The following DEGS2 variants were observed in gnomAD, a reference collection of about 807,000 sequenced individuals.
DEGS2 encodes sphingolipid delta(4)-desaturase/C4-monooxygenase DES2.
Under a neutral mutation model 23.8 loss-of-function variants are expected in DEGS2, and 19 were observed. The observed-to-expected ratio is 0.80, with a 90% confidence interval of 0.56 to 1.17. The LOEUF (loss-of-function observed/expected upper bound fraction) is 1.17. Ranked by LOEUF, DEGS2 falls within the 50% of genes most tolerant of loss-of-function variation. The pLI is 0.00. For missense variants in DEGS2, 390 were observed against 459.5 expected (o/e 0.85, Z 1.38); for synonymous variants, 218 against 213.7 (o/e 1.02, Z -0.18).
intron 1 of DEGS2, among the ~76,000 whole-genome samples, chr14:100,151,363 C>G (rs1054337464): frequency 6.6e-5 from 10 of 152,354 alleles, no homozygotes; most frequent in African/African-American, 2.4e-4. Flanking sequence ...GCTTGGGAGC[C>G]ACCAACTGGA....
chr14:100,158,018 C>T lies in DEGS2; in HGVS notation c.82+1488G>A, dbSNP rs371387030. On this transcript the variant is annotated intron_variant, in intron 1 of 2. Coordinates refer to ENST00000305631, the MANE Select transcript of DEGS2 (RefSeq NM_206918.3). ...AGGAGAATCGCTTGAACCTGGGAGG[C>T]GGAGGTTGCGGTGAGTGGAGATCGC... Among the ~76,000 whole-genome samples, 13 of 132,296 alleles carry T rather than the reference C, an allele frequency of 9.8e-5. No individual in the cohort carries two copies. The South Asian group carries it at 2.0e-3, about 20-fold the overall frequency. 86.8% of individuals were successfully genotyped at this position (132,296 alleles called of 152,430 possible).
At position 100,145,466 on chromosome 14, in the gene DEGS2, C is replaced by T. The variant is rs1889426519; in HGVS notation, c.*1295G>A. On this transcript the variant is annotated 3_prime_UTR_variant, in exon 3 of 3. Transcript: ENST00000305631. ...ATGGGAGGCCGGCGCTGTGCGGGGCCACTCCCAGGTATAGGGGGAGACCTG... is the reference window on the plus strand; with the variant it reads ...ATGGGAGGCCGGCGCTGTGCGGGGCTACTCCCAGGTATAGGGGGAGACCTG... 6.6e-6 allele frequency: 1 copy of T among 152,324 alleles called. No individual in the cohort carries two copies. Among genetic ancestry groups the T allele is most frequent in the Non-Finnish European group, 1.5e-5 (1 of 68,112 alleles). The allele number at this position is 152,324 out of a possible 1,614,324, so 9.4% of individuals were successfully genotyped here. A position where few individuals can be genotyped will look rare whatever the true frequency, so the allele number is the denominator to read the frequency against.
intron 2 of DEGS2, among the ~76,000 whole-genome samples, 175 bp from the exon 3 acceptor site, chr14:100,147,082 C>T (rs1255069388): frequency 2.0e-5 from 3 of 152,194 alleles, no homozygotes; most frequent in African/African-American, 7.2e-5. Context: ...GCAAACACAC[C>T]GTCGCCTCTG....
At chr14:100,165,061 G>C in the DEGS2 span, among the ~76,000 whole-genome samples, 5 of 152,066 alleles carry the variant, frequency 3.3e-5, no homozygotes, top group African/African-American at 1.2e-4. Context: ...CTGTGTCCTG[G>C]GGCCTAGCTG....
At chr14:100,166,766 C>A in the DEGS2 span, among the ~76,000 whole-genome samples, 2 of 152,230 alleles carry the variant, frequency 1.3e-5, no homozygotes, top group South Asian at 4.1e-4. Flanking sequence ...GAATGGGGAA[C>A]AGAAATCAAA....
intron 1 of DEGS2, among the ~76,000 whole-genome samples, chr14:100,151,666 T>G (rs1044155173): frequency 7.2e-5 from 11 of 152,214 alleles, no homozygotes; most frequent in Non-Finnish European, 1.0e-4. Flanking sequence ...CAGCAGCTGC[T>G]GGAGCTTTGC....
chr14:100,154,530 G>A (rs954823086), intron 1 of DEGS2, among the ~76,000 whole-genome samples: 1 of 152,238 alleles, frequency 6.6e-6, no homozygotes, highest in East Asian at 1.9e-4. Flanking sequence ...TCTTCCCTAG[G>A]GGCCTATGGA....
intron 2 of DEGS2, 107 bp from the exon 3 acceptor site, chr14:100,147,014 C>T: frequency 2.3e-6 from 3 of 1,325,030 alleles, no homozygotes; most frequent in African/African-American, 2.9e-5. Context: ...CATGCATATT[C>T]ATGTACGAAC....
chr14:100,160,687 G>A (rs1476682184), upstream of DEGS2, among the ~76,000 whole-genome samples: 1 of 152,216 alleles, frequency 6.6e-6, no homozygotes, highest in Non-Finnish European at 1.5e-5. Context: ...CACATAGTGA[G>A]GGCGTGCTTC....
Position 100,151,553 on chromosome 14 carries a change from G to A in DEGS2, c.83-1843C>T, listed in dbSNP as rs909532938. Among the ~76,000 whole-genome samples the A allele has an allele frequency of 2.6e-5, 4 of 152,334 alleles. No homozygotes were observed. In the East Asian group the frequency reaches 7.7e-4, roughly 29 times the overall value. On this transcript the variant is annotated intron_variant, in intron 1 of 2. Coordinates refer to ENST00000305631, the MANE Select transcript of DEGS2 (RefSeq NM_206918.3). ...CTGAACGAGCAGAGAATGGCACTCA[G>A]GGAGCCCGAGACACCCACACTGCAG... is the stretch of plus-strand genomic sequence containing the variant.
chr14:100,149,436 G>A lies in DEGS2; in HGVS notation c.357C>T (p.Pro119=), dbSNP rs763332093. 9.4e-6 allele frequency: 15 copies of A among 1,599,080 alleles called. No homozygotes were observed. The East Asian group carries it at 3.1e-4, about 34-fold the overall frequency. Residue 119 remains proline, a synonymous_variant, in exon 2 of 3, where the codon CCC becomes CCT. Coordinates refer to ENST00000305631, the MANE Select transcript of DEGS2 (RefSeq NM_206918.3). ...GGTACTTCTTGAAGGAGGCGGCGTA[G>A]GGCACACCCACGGGCAGGTTGGCGA... ...AVFANLPVGV[P]YAASFKKYHV... is the part of the protein sequence containing the mutation.
intron 1 of DEGS2, among the ~76,000 whole-genome samples, chr14:100,152,863 T>A (rs1889595361): frequency 7.0e-6 from 1 of 142,784 alleles, no homozygotes; most frequent in Admixed American, 6.9e-5. Context: ...CCAATTCCCC[T>A]AATAAATCCC....
chr14:100,163,616 T>G (rs771603056), upstream of DEGS2, among the ~76,000 whole-genome samples: 4 of 152,208 alleles, frequency 2.6e-5, no homozygotes, highest in African/African-American at 9.6e-5. Context: ...GTTTCCTTCA[T>G]AGAAGTCATC....
chr14:100,152,970 C>T lies in DEGS2; in HGVS notation c.83-3260G>A, dbSNP rs114592300. On this transcript the variant is annotated intron_variant, in intron 1 of 2. Coordinates refer to ENST00000305631, the MANE Select transcript of DEGS2 (RefSeq NM_206918.3). ...AAGATAGGAAGATAGATCGATATAT[C>T]GATTGATCCAGGCATGGTGGCTTAC... Among the ~76,000 whole-genome samples, 592 of 152,164 alleles carry T rather than the reference C, an allele frequency of 3.9e-3. 2 individuals are homozygous for T. Among genetic ancestry groups the T allele is most frequent in the African/African-American group, 0.013 (538 of 41,512 alleles).
intron 1 of DEGS2, among the ~76,000 whole-genome samples, chr14:100,150,626 G>T (rs1188117828): frequency 6.6e-6 from 1 of 152,178 alleles, no homozygotes; most frequent in Non-Finnish European, 1.5e-5. Context: ...TGACCTTGGA[G>T]AATGGGCCTC....
At chr14:100,150,192 AAGGCTCTGGCCC>A (rs923378907) in intron 1 of DEGS2, among the ~76,000 whole-genome samples, 2 of 152,158 alleles carry the variant, frequency 1.3e-5, no homozygotes, top group African/African-American at 2.4e-5. Context: ...CCCACTCAGG[AAGGCTCTGGCCC>A]AGGCGCAGGG....
In DEGS2 at chr14:100,144,044, C is replaced by A. The variant is rs894518493; in HGVS notation, c.*2717G>T. On this transcript the variant is annotated 3_prime_UTR_variant, in exon 3 of 3. Coordinates refer to ENST00000305631, the MANE Select transcript of DEGS2 (RefSeq NM_206918.3). The stretch of plus-strand genomic sequence containing the variant: ...CCCCTAAGTCACCTGCTTCATTAGA[C>A]GGTTTCCAGGTTTTCTCCCAGGTGA... 2.6e-5 allele frequency: 11 copies of A among 424,370 alleles called. No homozygotes were observed. The highest frequency in any genetic ancestry group is 4.7e-5 in the Non-Finnish European group (11 of 236,430). The allele number at this position is 424,370 out of a possible 1,614,324, so 26.3% of individuals were successfully genotyped here.
chr14:100,150,789 C>T (rs1889557628), intron 1 of DEGS2, among the ~76,000 whole-genome samples: 1 of 152,176 alleles, frequency 6.6e-6, no homozygotes, highest in African/African-American at 2.4e-5. Context: ...CCCCTCCAAG[C>T]CCCAGCCTTC....
At chr14:100,166,333 G>GA in the DEGS2 span, among the ~76,000 whole-genome samples, 119 of 60,302 alleles carry the variant, frequency 2.0e-3, 9 homozygotes, top group East Asian at 0.012. Flanking sequence ...GGGGCTGTGG[G>GA]GGAGCCTGCC....
Sources: gnomAD v4.1 joint callset for allele counts (sites outside exome capture counted in the v4.1 genomes callset) on GRCh38, gnomAD v4.1.1 for gene constraint, MANE v1.5 for transcripts, NCBI Gene and HGNC (gene_info 2026-07-23, HGNC 2026-07-21) for gene names.